The following ERICH6 variants were observed in gnomAD, a reference collection of about 807,000 sequenced individuals.
The protein encoded by ERICH6 is glutamate-rich protein 6.
A neutral mutation model predicts 71.0 loss-of-function variants in ERICH6; 71 were observed. That is an observed-to-expected ratio of 1.00 (90% CI 0.83 to 1.22). The LOEUF (loss-of-function observed/expected upper bound fraction) is 1.22. Among genes scored for constraint, ERICH6 ranks in the 50% most tolerant of loss-of-function variants. The probability of loss-of-function intolerance (pLI) is 0.00; values close to 1 mark genes in which losing one functional copy is unlikely to be tolerated. For synonymous variants in ERICH6, 262 were observed against 278.4 expected (o/e 0.94, Z 0.59); for missense variants, 808 against 797.2 (o/e 1.01, Z -0.16).
At chr3:150,687,508 C>T (rs1712246646) in intron 3 of ERICH6, among the ~76,000 whole-genome samples, 1 of 152,136 alleles carries the variant, frequency 6.6e-6, no homozygotes, top group African/African-American at 2.4e-5. Flanking sequence ...TACTTTATGT[C>T]TGTTATTCTT....
Position 150,660,003 on chromosome 3 carries a change from T to A in ERICH6, c.1881A>T (p.Gln627His). 6.2e-7 allele frequency: 1 copy of A among 1,614,166 alleles called. No homozygotes were observed. The highest frequency in any genetic ancestry group is 8.5e-7 in the Non-Finnish European group (1 of 1,180,040). ...GAGAAAGTGAAGAAAGGTAGGAAGG[T>A]TGCTTTAATTTTTCCCAAACCTGGC... ...PSSQVWEKLKQPSYLSSLSLK... is the reference protein window; with the variant it reads ...PSSQVWEKLKHPSYLSSLSLK... Residue 627 changes from glutamine to histidine, a missense_variant, in exon 14 of 14, where the codon CAA (glutamine) becomes CAT (histidine). Gln to His is a conservative substitution (Grantham distance 24, BLOSUM62 0). This residue lies in a region of ERICH6 where 736 missense variants were observed against 712.2 expected (regional missense o/e 1.03). Coordinates refer to ENST00000295910, the MANE Select transcript of ERICH6 (RefSeq NM_152394.5).
intron 6 of ERICH6, among the ~76,000 whole-genome samples, chr3:150,682,831 C>T (rs1010317935): frequency 1.3e-5 from 2 of 152,148 alleles, no homozygotes; most frequent in African/African-American, 4.8e-5. Context: ...AATCCTTTCT[C>T]TGGGGAGCCT....
chr3:150,702,973 G>A (rs1429759743), intron 1 of ERICH6, among the ~76,000 whole-genome samples: 5 of 92,970 alleles, frequency 5.4e-5, no homozygotes, highest in African/African-American at 2.1e-4. Flanking sequence ...GGGAGGGGAG[G>A]AAGAGGGAGG....
intron 1 of ERICH6, among the ~76,000 whole-genome samples, chr3:150,702,522 C>T (rs1180278634): frequency 2.0e-5 from 3 of 152,132 alleles, no homozygotes; most frequent in African/African-American, 4.8e-5. Context: ...GTGATCTGCC[C>T]GCCTAGGCCT....
At chr3:150,691,368 A>G (rs955079975) in intron 3 of ERICH6, among the ~76,000 whole-genome samples, 9 of 152,192 alleles carry the variant, frequency 5.9e-5, no homozygotes, top group Admixed American at 3.3e-4. Context: ...AAAGGTGAAT[A>G]ATTTTTGTCT....
chr3:150,665,624 C>T (rs1727384509), intron 13 of ERICH6, among the ~76,000 whole-genome samples: 1 of 150,488 alleles, frequency 6.6e-6, no homozygotes, highest in Non-Finnish European at 1.5e-5. Flanking sequence ...GTCAGGAGTT[C>T]GAGACCAGCC....
intron 7 of ERICH6, 78 bp from the exon 8 acceptor site, chr3:150,681,008 G>T: frequency 7.0e-7 from 1 of 1,423,694 alleles, no homozygotes; most frequent in South Asian, 1.6e-5. Flanking sequence ...GACTAACAAG[G>T]TTTGGATAAC....
intron 9 of ERICH6, among the ~76,000 whole-genome samples, chr3:150,679,645 T>C (rs1385352718): frequency 2.0e-5 from 3 of 152,076 alleles, no homozygotes; most frequent in African/African-American, 7.2e-5. Context: ...CGACAACTAA[T>C]ATATGAAGAA....
intron 2 of ERICH6, among the ~76,000 whole-genome samples, chr3:150,699,141 T>A (rs1028137531): frequency 6.6e-6 from 1 of 151,934 alleles, no homozygotes; most frequent in Non-Finnish European, 1.5e-5. Context: ...TGAGACCCTA[T>A]CTCTATAAAA....
chr3:150,700,098 G>A (rs919184120), intron 2 of ERICH6, among the ~76,000 whole-genome samples: 3 of 151,668 alleles, frequency 2.0e-5, no homozygotes, highest in Non-Finnish European at 2.9e-5. Context: ...TTTTTGAGAT[G>A]GAGTCCCGCT....
chr3:150,703,458 G>T, intron 1 of ERICH6, 38 bp downstream of exon 1: 3 of 1,525,670 alleles, frequency 2.0e-6, no homozygotes, highest in South Asian at 2.5e-5. Context: ...CCCTGGAGAC[G>T]AGAAACCCTC....
intron 3 of ERICH6, among the ~76,000 whole-genome samples, chr3:150,697,065 A>G (rs1302496071): frequency 6.6e-6 from 1 of 152,210 alleles, no homozygotes; most frequent in Non-Finnish European, 1.5e-5. Context: ...TTATGCAACA[A>G]TTACAAAGAA....
At chr3:150,698,523 C>G (rs1712739299) in intron 3 of ERICH6, among the ~76,000 whole-genome samples, 1 of 152,104 alleles carries the variant, frequency 6.6e-6, no homozygotes, top group African/African-American at 2.4e-5. Context: ...CAGATTATTT[C>G]TTGATGTGAA....
intron 1 of ERICH6, among the ~76,000 whole-genome samples, chr3:150,702,919 T>TGTGTGAGAGAGAGAGAGAGGGAGAGAGA (rs1712961432): frequency 9.3e-6 from 1 of 107,800 alleles, no homozygotes; most frequent in East Asian, 4.5e-4. Flanking sequence ...TGTGTGTCTG[T>TGTGTGAGAGAGAGAGAGAGGGAGAGAGA]GAGAGAGAGA....
intron 11 of ERICH6, among the ~76,000 whole-genome samples, chr3:150,670,698 T>A (rs1711498840): frequency 6.6e-6 from 1 of 152,116 alleles, no homozygotes; most frequent in Admixed American, 6.5e-5. Context: ...TATACAAAAA[T>A]AAATTGTATT....
intron 13 of ERICH6, among the ~76,000 whole-genome samples, chr3:150,664,223 T>C (rs956082071): frequency 5.9e-5 from 9 of 152,172 alleles, no homozygotes; most frequent in Admixed American, 3.9e-4. Flanking sequence ...AATATTTATA[T>C]TGAATTCAAT....
intron 11 of ERICH6, among the ~76,000 whole-genome samples, chr3:150,671,302 G>A (rs1159286622): frequency 1.3e-5 from 2 of 152,136 alleles, no homozygotes; most frequent in Admixed American, 6.5e-5. Flanking sequence ...TCTACAGGGG[G>A]AGGCTCTCAG....
intron 2 of ERICH6, among the ~76,000 whole-genome samples, chr3:150,699,737 A>G (rs1169897877): frequency 6.7e-6 from 1 of 148,828 alleles, no homozygotes; most frequent in Non-Finnish European, 1.5e-5. Context: ...AAAAAAAAAC[A>G]CAAAAAACAA....
chr3:150,703,719 C>T lies in ERICH6; in HGVS notation c.180G>A (p.Leu60=). The T allele has an allele frequency of 6.2e-7, 1 of 1,600,312 alleles. No homozygotes were observed. The part of the protein sequence containing the change: ...EEEEEVVEEE[L]VGEEQELEAP... ...CCTCCAACTCCTGCTCTTCCCCCAC[C>T]AACTCCTCCTCCACCACCTCCTCCT... The change falls in exon 1 of 14, where the codon TTG becomes TTA. Residue 60 remains leucine (L), a synonymous_variant. Transcript: ENST00000295910.
Sources: allele counts gnomAD v4.1 joint callset (sites outside exome capture counted in the v4.1 genomes callset), GRCh38; gene constraint gnomAD v4.1.1; regional missense constraint gnomAD v4.1.1; transcripts MANE v1.5; gene names NCBI Gene and HGNC (gene_info 2026-07-23, HGNC 2026-07-21).